WWOX: variants seen among roughly 807,000 people sequenced by gnomAD.
WWOX encodes the protein WW domain containing oxidoreductase.
Under a neutral mutation model 46.2 loss-of-function variants are expected in WWOX, and 69 were observed. The observed-to-expected ratio is 1.49, with a 90% CI of 1.23 to 1.82. The LOEUF (loss-of-function observed/expected upper bound fraction) is 1.82, where lower values mean the gene tolerates loss of function less well. WWOX is among the 40% of genes most tolerant of loss of function. The pLI, the probability that WWOX is intolerant of heterozygous loss-of-function variation, is 0.00. For synonymous variants in WWOX, 359 were observed against 202.6 expected (o/e 1.77, Z -6.56); for missense variants, 919 against 542.6 (o/e 1.69, Z -6.89).
chr16:78,350,982 T>C (rs1364308401), intron 5 of WWOX, among the ~76,000 whole-genome samples: 1 of 56,178 alleles, frequency 1.8e-5, no homozygotes, highest in Non-Finnish European at 5.7e-5. Context: ...CTTTTTAGTC[T>C]TGTCATTTTA....
chr16:78,860,954 T>A (rs2043871450), intron 8 of WWOX, among the ~76,000 whole-genome samples: 1 of 152,172 alleles, frequency 6.6e-6, no homozygotes, highest in Non-Finnish European at 1.5e-5. Flanking sequence ...TAGCTGGGAC[T>A]ACAGGCGCAT....
chr16:78,686,240 G>A lies in WWOX; in HGVS notation c.1056+253488G>A, dbSNP rs559597412. 2.6e-4 allele frequency among the ~76,000 whole-genome samples: 39 copies of A among 152,276 alleles called. No homozygotes were observed. The South Asian group carries it at 6.2e-3, about 24-fold the overall frequency. ...AGAAATCTGTTAGAAGGCCAGGCGC[G>A]GTGGCTCAGGCCTGTAATCCCAGGA... On this transcript the variant is annotated intron_variant, in intron 8 of 8. Transcript: ENST00000566780.
At chr16:78,640,550 C>G (rs776418274) in intron 8 of WWOX, among the ~76,000 whole-genome samples, 1 of 152,060 alleles carries the variant, frequency 6.6e-6, no homozygotes, top group South Asian at 2.1e-4. Flanking sequence ...GTAGGTGATA[C>G]GTTGATCTGT....
intron 8 of WWOX, among the ~76,000 whole-genome samples, chr16:78,926,457 A>C (rs2045500809): frequency 6.6e-6 from 1 of 152,000 alleles, no homozygotes; most frequent in African/African-American, 2.4e-5. Context: ...TTGGTTACTG[A>C]AATTCTGAGT....
At position 78,445,713 on chromosome 16, in the gene WWOX, T is replaced by TA. The variant is rs2083543176; in HGVS notation, c.1056+12966dup. 4.6e-5 allele frequency among the ~76,000 whole-genome samples: 7 copies of TA among 152,266 alleles called. 1 individual carries two copies. The South Asian group carries it at 1.4e-3, about 32-fold the overall frequency. ...CTAACACGGTGAAACCCTTCTCTACTAAAAATACAAAAATATTATCTGGGT... is the reference window on the plus strand; with the variant it reads ...CTAACACGGTGAAACCCTTCTCTACTAAAAAATACAAAAATATTATCTGGGT... On this transcript the variant is annotated intron_variant, in intron 8 of 8. Coordinates refer to ENST00000566780, the MANE Select transcript of WWOX (RefSeq NM_016373.4).
chr16:78,312,234 C>G lies in WWOX; in HGVS notation c.517-74626C>G, dbSNP rs747826329. Among the ~76,000 whole-genome samples the G allele has an allele frequency of 2.0e-4, 30 of 151,090 alleles. 1 individual carries two copies. The highest frequency in any genetic ancestry group is 4.0e-4 in the Non-Finnish European group (27 of 67,692). ...CTTAATTCATATAACCTGGCGTAGTCTCGATTTTATTTTAATTTTTTAATT... is the reference window on the plus strand; with the variant it reads ...CTTAATTCATATAACCTGGCGTAGTGTCGATTTTATTTTAATTTTTTAATT... On this transcript the variant is annotated intron_variant, in intron 5 of 8. Coordinates refer to ENST00000566780, the MANE Select transcript of WWOX (RefSeq NM_016373.4).
chr16:78,964,952 T>G (rs938841153), intron 8 of WWOX, among the ~76,000 whole-genome samples: 9 of 152,144 alleles, frequency 5.9e-5, no homozygotes, highest in African/African-American at 2.2e-4. Flanking sequence ...GTTGAGTGTG[T>G]GGGGGCACAG....
chr16:78,905,677 C>T (rs971488606), intron 8 of WWOX, among the ~76,000 whole-genome samples: 2 of 152,116 alleles, frequency 1.3e-5, no homozygotes, highest in African/African-American at 4.8e-5. Context: ...GCCACCTGGC[C>T]CAGCCAGAAT....
intron 8 of WWOX, among the ~76,000 whole-genome samples, chr16:79,143,103 G>C (rs1315270294): frequency 1.3e-5 from 2 of 151,922 alleles, no homozygotes; most frequent in African/African-American, 2.4e-5. Context: ...ATTTGGCTTT[G>C]AAAAAAAAGT....
intron 5 of WWOX, among the ~76,000 whole-genome samples, chr16:78,205,842 T>TTCTG (rs1181015904): frequency 1.3e-5 from 2 of 150,210 alleles, no homozygotes; most frequent in Non-Finnish European, 3.0e-5. Context: ...CCTTCCTTCC[T>TTCTG]TCCGTCCTTC....
Position 78,432,248 on chromosome 16 carries a change from C to CA in WWOX, c.792-239dup, listed in dbSNP as rs1208346061. Reference sequence around the variant, plus strand: ...TTCTCTTGCTTCAGATTCCCGTGTACAGGCATGCCACCACACCTGGCTAAT... The same window carrying CA: ...TTCTCTTGCTTCAGATTCCCGTGTACAAGGCATGCCACCACACCTGGCTAAT... On this transcript the variant is annotated intron_variant, in intron 7 of 8. Transcript: ENST00000566780. Among the ~76,000 whole-genome samples, 3 of 151,990 alleles carry CA rather than the reference C, an allele frequency of 2.0e-5. No homozygotes were observed. In the East Asian group the frequency reaches 5.8e-4, roughly 30 times the overall value.
chr16:78,732,606 C>T (rs894630138), intron 8 of WWOX, among the ~76,000 whole-genome samples: 3 of 152,132 alleles, frequency 2.0e-5, no homozygotes, highest in Admixed American at 6.5e-5. Context: ...CTGGGCTATG[C>T]TCTAATCAAT....
intron 8 of WWOX, among the ~76,000 whole-genome samples, chr16:78,678,766 T>A (rs182702954): frequency 1.3e-5 from 2 of 152,234 alleles, no homozygotes; most frequent in Non-Finnish European, 2.9e-5. Flanking sequence ...TTTTTTCAGA[T>A]CTCTTCTTGT....
At chr16:78,363,053 C>T (rs1021565439) in intron 5 of WWOX, among the ~76,000 whole-genome samples, 2 of 152,154 alleles carry the variant, frequency 1.3e-5, no homozygotes, top group African/African-American at 4.8e-5. Flanking sequence ...GACAGTGGTA[C>T]CCACACCCGT....
chr16:78,908,570 G>C (rs1181430738), intron 8 of WWOX, among the ~76,000 whole-genome samples: 1 of 151,468 alleles, frequency 6.6e-6, no homozygotes, highest in Non-Finnish European at 1.5e-5. Context: ...AATTCATGCA[G>C]AGCTGGCTGT....
intron 5 of WWOX, among the ~76,000 whole-genome samples, chr16:78,170,210 A>T (rs1237154173): frequency 1.3e-5 from 2 of 152,194 alleles, no homozygotes; most frequent in Non-Finnish European, 2.9e-5. Context: ...GCTATAAAAC[A>T]TGCTGTATTA....
At chr16:78,560,662 T>C (rs1023484324) in intron 8 of WWOX, among the ~76,000 whole-genome samples, 3 of 151,684 alleles carry the variant, frequency 2.0e-5, no homozygotes, top group African/African-American at 7.3e-5. Context: ...TTAATGATAA[T>C]AATGTTACAA....
intron 8 of WWOX, among the ~76,000 whole-genome samples, chr16:79,096,016 A>ATTTTTTTTTTT (rs57621801): frequency 1.2e-5 from 1 of 82,054 alleles, no homozygotes; most frequent in Non-Finnish European, 2.2e-5. Flanking sequence ...CACCCGGATA[A>ATTTTTTTTTTT]TTTTTTTTTT....
intron 4 of WWOX, among the ~76,000 whole-genome samples, chr16:78,130,814 TGTG>T (rs2033560950): frequency 6.6e-6 from 1 of 152,212 alleles, no homozygotes; most frequent in Non-Finnish European, 1.5e-5. Flanking sequence ...TCCCTGCCCT[TGTG>T]GAGGATACAA....
Sources: gnomAD v4.1 joint callset for allele counts (sites outside exome capture counted in the v4.1 genomes callset) on GRCh38, gnomAD v4.1.1 for gene constraint, MANE v1.5 for transcripts, NCBI Gene and HGNC (gene_info 2026-07-23, HGNC 2026-07-21) for gene names.